Variants in REDIC1 observed in about 807,000 individuals in gnomAD.
REDIC1 encodes the protein regulator of DNA class I crossover intermediates 1, also known as HEI10 Interacting Protein 1.
the REDIC1 span, among the ~76,000 whole-genome samples, chr12:39,904,870 C>G: frequency 2.6e-5 from 4 of 152,232 alleles, no homozygotes; most frequent in South Asian, 8.3e-4. Flanking sequence ...ATGAACAGGT[C>G]TTCTGCATTG....
At chr12:39,883,879 A>C in the REDIC1 span, among the ~76,000 whole-genome samples, 2 of 152,218 alleles carry the variant, frequency 1.3e-5, no homozygotes, top group African/African-American at 4.8e-5. Flanking sequence ...ACACGGAAGT[A>C]TATTCACGTA....
chr12:39,654,580 T>C, the REDIC1 span, among the ~76,000 whole-genome samples: 1 of 151,236 alleles, frequency 6.6e-6, no homozygotes, highest in Non-Finnish European at 1.5e-5. Flanking sequence ...AAAGTGAGAC[T>C]CTGTCTTAAA....
At chr12:39,761,762 G>T in the REDIC1 span, among the ~76,000 whole-genome samples, 1 of 152,036 alleles carries the variant, frequency 6.6e-6, no homozygotes, top group East Asian at 1.9e-4. Flanking sequence ...TGAAGATAAA[G>T]AAAAAATAAG....
At chr12:39,864,652 C>G in the REDIC1 span, 1 of 1,420,624 alleles carries the variant, frequency 7.0e-7, no homozygotes, top group African/African-American at 1.4e-5. Context: ...CTTACATAAG[C>G]CTGGATGCCC....
the REDIC1 span, among the ~76,000 whole-genome samples, chr12:39,653,695 T>G: frequency 6.6e-6 from 1 of 151,882 alleles, no homozygotes; most frequent in Admixed American, 6.6e-5. Context: ...AACTAGAGCC[T>G]CCAGTACAAT....
At chr12:39,692,985 G>A in the REDIC1 span, among the ~76,000 whole-genome samples, 1 of 152,172 alleles carries the variant, frequency 6.6e-6, no homozygotes, top group South Asian at 2.1e-4. Context: ...TAATCTGATA[G>A]CTCATTGTAG....
the REDIC1 span, among the ~76,000 whole-genome samples, chr12:39,861,792 A>G: frequency 5.3e-5 from 8 of 152,094 alleles, no homozygotes; most frequent in Non-Finnish European, 7.4e-5. Flanking sequence ...GTGGCCAAAC[A>G]TTTTCTATAG....
chr12:39,729,106 C>T, the REDIC1 span, among the ~76,000 whole-genome samples: 7 of 152,046 alleles, frequency 4.6e-5, no homozygotes, highest in Non-Finnish European at 1.0e-4. Flanking sequence ...TTTCAAAAAA[C>T]CAGCTCCCAG....
chr12:39,809,697 C>A, the REDIC1 span, among the ~76,000 whole-genome samples: 1 of 152,100 alleles, frequency 6.6e-6, no homozygotes, highest in Non-Finnish European at 1.5e-5. Context: ...TGATGTTCCC[C>A]TTCCTGTGTC....
At chr12:39,850,371 T>C in the REDIC1 span, among the ~76,000 whole-genome samples, 8 of 152,210 alleles carry the variant, frequency 5.3e-5, no homozygotes, top group African/African-American at 1.9e-4. Context: ...CCTCTTGTAA[T>C]TGCTCTGCAG....
the REDIC1 span, among the ~76,000 whole-genome samples, chr12:39,747,491 GA>G: frequency 2.0e-5 from 3 of 152,312 alleles, no homozygotes; most frequent in South Asian, 4.2e-4. Flanking sequence ...AACCAAGTTG[GA>G]AAACACTCTG....
the REDIC1 span, among the ~76,000 whole-genome samples, chr12:39,744,792 T>C: frequency 1.2e-3 from 181 of 152,192 alleles, no homozygotes; most frequent in African/African-American, 4.1e-3. Context: ...AAGACAATAA[T>C]TGGAACAAAG....
chr12:39,867,101 C>T, the REDIC1 span, among the ~76,000 whole-genome samples: 1 of 152,110 alleles, frequency 6.6e-6, no homozygotes, highest in Non-Finnish European at 1.5e-5. Context: ...GAAGATCATA[C>T]CTCTCTCCTA....
At chr12:39,891,662 A>C in the REDIC1 span, among the ~76,000 whole-genome samples, 3 of 152,144 alleles carry the variant, frequency 2.0e-5, no homozygotes, top group Non-Finnish European at 4.4e-5. Flanking sequence ...GGTATGTATT[A>C]CTATTGCAAT....
the REDIC1 span, among the ~76,000 whole-genome samples, chr12:39,809,282 T>A: frequency 6.6e-6 from 1 of 152,242 alleles, no homozygotes; most frequent in South Asian, 2.1e-4. Flanking sequence ...ATGTCTATTT[T>A]ACCAACATCA....
At chr12:39,628,113 C>G in the REDIC1 span, among the ~76,000 whole-genome samples, 1 of 152,150 alleles carries the variant, frequency 6.6e-6, no homozygotes, top group Non-Finnish European at 1.5e-5. Context: ...CCTGACATCT[C>G]AACTCTGATG....
At chr12:39,710,035 T>C in the REDIC1 span, among the ~76,000 whole-genome samples, 1 of 151,832 alleles carries the variant, frequency 6.6e-6, no homozygotes, top group Admixed American at 6.6e-5. Context: ...TGTGAGGTGA[T>C]ATTTCATTTT....
the REDIC1 span, among the ~76,000 whole-genome samples, chr12:39,772,018 T>TGG: frequency 6.6e-6 from 1 of 152,158 alleles, no homozygotes; most frequent in Non-Finnish European, 1.5e-5. Flanking sequence ...AAGGCCTGTG[T>TGG]GGATGCTACC....
chr12:39,896,478 A>G, the REDIC1 span, among the ~76,000 whole-genome samples: 66 of 138,338 alleles, frequency 4.8e-4, 6 homozygotes, highest in East Asian at 1.9e-3. Context: ...ATATATGTAT[A>G]TGTGTATATA....
Sources: gnomAD v4.1 joint callset for allele counts (sites outside exome capture counted in the v4.1 genomes callset) on GRCh38, gnomAD v4.1.1 for gene constraint, MANE v1.5 for transcripts, NCBI Gene and HGNC (gene_info 2026-07-23, HGNC 2026-07-21) for gene names.